Variants in TBXAS1 observed in about 807,000 individuals in gnomAD.
The protein encoded by TBXAS1 is thromboxane A synthase 1, also known as thromboxane-A synthase.
Under a neutral mutation model 60.7 loss-of-function variants are expected in TBXAS1, and 48 were observed. The observed-to-expected ratio is 0.79, with a 90% CI of 0.63 to 1.01. The LOEUF is 1.01. Among genes scored for constraint, TBXAS1 ranks in the 50% least tolerant of loss-of-function variants. The pLI, the probability that TBXAS1 is intolerant of heterozygous loss-of-function variation, is 0.00. For missense variants in TBXAS1, 685 were observed against 686.3 expected (o/e 1.00, Z 0.02); for synonymous variants, 287 against 269.7 (o/e 1.06, Z -0.63).
intron 9 of TBXAS1, among the ~76,000 whole-genome samples, chr7:139,988,845 G>A (rs1812689801): frequency 6.6e-6 from 1 of 152,240 alleles, no homozygotes; most frequent in African/African-American, 2.4e-5. Flanking sequence ...TCGAGGACAA[G>A]GAGCAGGCAT....
chr7:139,952,742 C>G, intron 5 of TBXAS1: 1 of 1,466,866 alleles, frequency 6.8e-7, no homozygotes, highest in Non-Finnish European at 9.0e-7. Flanking sequence ...AAAAAGAAAC[C>G]CAACAATTGC....
At chr7:139,947,424 G>A (rs531621358) in intron 5 of TBXAS1, among the ~76,000 whole-genome samples, 1 of 152,268 alleles carries the variant, frequency 6.6e-6, no homozygotes, top group South Asian at 2.1e-4. Context: ...GGGGAGGGGG[G>A]AGGAAGAGCA....
At chr7:139,984,640 G>GAAAGAAAGAAACAAAGAAAGAAAGAA (rs1554503305) in intron 9 of TBXAS1, among the ~76,000 whole-genome samples, 1 of 99,786 alleles carries the variant, frequency 1.0e-5, no homozygotes. Flanking sequence ...GAGAGAGAGA[G>GAAAGAAAGAAACAAAGAAAGAAAGAA]AGAAAGAAAG....
At chr7:139,969,991 T>A (rs1811075201) in intron 9 of TBXAS1, among the ~76,000 whole-genome samples, 2 of 152,206 alleles carry the variant, frequency 1.3e-5, no homozygotes, top group Admixed American at 1.3e-4. Flanking sequence ...GCACCGGCCC[T>A]TGGTTAGGGC....
Position 139,900,097 on chromosome 7 carries a change from T to A in TBXAS1, c.237-11128T>A, listed in dbSNP as rs573256165. Among the ~76,000 whole-genome samples, 70 of 152,348 alleles carry A rather than the reference T, an allele frequency of 4.6e-4. No individual in the cohort carries two copies. In the South Asian group the frequency reaches 0.014, roughly 31 times the overall value. ...AATAAATGCTAACGATTGTTGTTAA[T>A]CTCAAAGGTTTGAGAAGAATCTACA... On this transcript the variant is annotated intron_variant, in intron 3 of 12. Coordinates refer to ENST00000448866, the MANE Select transcript of TBXAS1 (RefSeq NM_001061.7).
In TBXAS1 at chr7:139,991,352, G is replaced by A. The variant is rs1039362423; in HGVS notation, c.1135-15739G>A. On this transcript the variant is annotated intron_variant, in intron 9 of 12. Transcript: ENST00000448866. ...ATATGTTGCCCCCCTATGTTGCCAC[G>A]GTGCCCACACTTCCCTGTCACCACC... Among the ~76,000 whole-genome samples the A allele has an allele frequency of 2.9e-4, 34 of 116,180 alleles. No individual in the cohort carries two copies. In the Admixed American group the frequency reaches 3.3e-3, roughly 11 times the overall value. The allele number at this position is 116,180 out of a possible 152,430, so 76.2% of individuals were successfully genotyped here.
At position 140,015,782 on chromosome 7, in the gene TBXAS1, C is replaced by T; in HGVS notation, c.1286C>T (p.Ala429Val). 4 of 1,613,730 alleles carry T rather than the reference C, an allele frequency of 2.5e-6. No homozygotes were observed. The highest frequency in any genetic ancestry group is 2.5e-6 in the Non-Finnish European group (3 of 1,180,042). ...CTGGGGCAGCGCATCCCCGCAGGCGCTGTGCTAGAGATGGCCGTGGGTGCC... is the reference window on the plus strand; with the variant it reads ...CTGGGGCAGCGCATCCCCGCAGGCGTTGTGCTAGAGATGGCCGTGGGTGCC... ...EVLGQRIPAG[A>V]VLEMAVGALH... is the part of the protein sequence containing the mutation. The change falls in exon 11 of 13, where the codon GCT (alanine) becomes GTT (valine). Residue 429 changes from alanine (A) to valine (V), a missense_variant. Ala to Val is a moderately conservative substitution (Grantham distance 64, BLOSUM62 0). Coordinates refer to ENST00000448866, the MANE Select transcript of TBXAS1 (RefSeq NM_001061.7).
At chr7:139,899,174 C>A (rs762143252) in intron 3 of TBXAS1, among the ~76,000 whole-genome samples, 1 of 152,168 alleles carries the variant, frequency 6.6e-6, no homozygotes, top group African/African-American at 2.4e-5. Flanking sequence ...TAAATGCTTT[C>A]TGAAGGGACT....
chr7:139,911,369 G>T, intron 4 of TBXAS1, 48 bp downstream of exon 4: 1 of 1,507,324 alleles, frequency 6.6e-7, no homozygotes, highest in South Asian at 1.1e-5. Context: ...ATTGTTCTCA[G>T]ATGGAGACAC....
At chr7:139,821,765 G>A (rs780371225) in intron 4 of TBXAS1, among the ~76,000 whole-genome samples, 1 of 152,208 alleles carries the variant, frequency 6.6e-6, no homozygotes, top group Non-Finnish European at 1.5e-5. Context: ...AAGAGAGGGA[G>A]GGGGACGTCA....
At chr7:139,928,438 T>C (rs1311663800) in intron 4 of TBXAS1, among the ~76,000 whole-genome samples, 1 of 152,236 alleles carries the variant, frequency 6.6e-6, no homozygotes, top group Non-Finnish European at 1.5e-5. Context: ...TTCTTTCTTG[T>C]AAGTCTTTAT....
At chr7:139,784,946 C>A (rs1797140660) in intron 3 of TBXAS1, among the ~76,000 whole-genome samples, 1 of 152,130 alleles carries the variant, frequency 6.6e-6, no homozygotes, top group South Asian at 2.1e-4. Flanking sequence ...CAGCATTTCT[C>A]AAAGTGTGGT....
In TBXAS1 at chr7:139,945,841, T is replaced by G. The variant is rs375582539; in HGVS notation, c.451-7527T>G. Among the ~76,000 whole-genome samples the G allele has an allele frequency of 2.0e-5, 3 of 152,214 alleles. No individual in the cohort carries two copies. The East Asian group carries it at 5.8e-4, about 29-fold the overall frequency. On this transcript the variant is annotated intron_variant, in intron 5 of 12. Coordinates refer to ENST00000448866, the MANE Select transcript of TBXAS1 (RefSeq NM_001061.7). ...GAGGGATCAAGGTGTCTTGGAGTAG[T>G]AGTCAAATGGCTGGCCTGATCTGTG...
chr7:139,990,812 G>A (rs1175492511), intron 9 of TBXAS1, among the ~76,000 whole-genome samples: 3 of 151,862 alleles, frequency 2.0e-5, no homozygotes, highest in African/African-American at 7.3e-5. Context: ...CCAACCAGCT[G>A]GCCCCACCCC....
At chr7:139,900,787 T>G (rs1215927413) in intron 3 of TBXAS1, among the ~76,000 whole-genome samples, 1 of 152,144 alleles carries the variant, frequency 6.6e-6, no homozygotes, top group Non-Finnish European at 1.5e-5. Context: ...CAGCCCTAGA[T>G]TAATATATTC....
intron 3 of TBXAS1, among the ~76,000 whole-genome samples, chr7:139,903,620 T>C (rs935264743): frequency 1.3e-5 from 2 of 151,988 alleles, no homozygotes; most frequent in African/African-American, 4.8e-5. Flanking sequence ...TTTTTTTAAT[T>C]ATTATTTTTT....
intron 1 of TBXAS1, among the ~76,000 whole-genome samples, chr7:139,848,492 C>T (rs952514404): frequency 9.2e-5 from 14 of 152,156 alleles, no homozygotes; most frequent in Admixed American, 7.2e-4. Flanking sequence ...ACCCCAAGCT[C>T]ATTGGCAAAT....
intron 8 of TBXAS1, among the ~76,000 whole-genome samples, chr7:139,958,546 C>T (rs758645717): frequency 2.0e-5 from 3 of 152,192 alleles, no homozygotes; most frequent in Non-Finnish European, 4.4e-5. Flanking sequence ...TTAGCTGGCT[C>T]GTGCAAGATG....
chr7:139,984,614 A>AAGAGAGAGAGAGAG (rs748137753), intron 9 of TBXAS1, among the ~76,000 whole-genome samples: 5 of 65,550 alleles, frequency 7.6e-5, no homozygotes, highest in African/African-American at 2.6e-4. Flanking sequence ...ATAAGAAAGA[A>AAGAGAGAGAGAGAG]AGAGAGAGAG....
Sources: gnomAD v4.1 joint callset for allele counts (sites outside exome capture counted in the v4.1 genomes callset) on GRCh38, gnomAD v4.1.1 for gene constraint, MANE v1.5 for transcripts, NCBI Gene and HGNC (gene_info 2026-07-23, HGNC 2026-07-21) for gene names.